The following CLIP4 variants were observed in gnomAD, a reference collection of about 807,000 sequenced individuals.
CLIP4 encodes CAP-Gly domain containing linker protein family member 4, also known as CAP-Gly domain-containing linker protein 4.
A neutral mutation model predicts 73.1 loss-of-function variants in CLIP4; 47 were observed. The observed-to-expected ratio is 0.64, with a 90% CI of 0.51 to 0.82. The LOEUF (loss-of-function observed/expected upper bound fraction) is 0.82, where lower values mean the gene tolerates loss of function less well. Among genes scored for constraint, CLIP4 ranks in the 40% least tolerant of loss-of-function variants. The pLI is 0.00. For missense variants in CLIP4, 874 were observed against 852.9 expected (o/e 1.02, Z -0.31); for synonymous variants, 306 against 295.4 (o/e 1.04, Z -0.37).
intron 6 of CLIP4, among the ~76,000 whole-genome samples, chr2:29,137,346 C>G (rs1208792437): frequency 1.3e-5 from 2 of 152,130 alleles, no homozygotes; most frequent in Non-Finnish European, 2.9e-5. Context: ...CATGTTGTTG[C>G]AAAGGGCACG....
At position 29,183,518 on chromosome 2, in the gene CLIP4, C is replaced by T. The variant is rs532587230; in HGVS notation, c.*1625C>T. The T allele has an allele frequency of 6.6e-6, 1 of 152,466 alleles. No individual in the cohort carries two copies. The highest frequency in any genetic ancestry group is 1.5e-5 in the Non-Finnish European group (1 of 67,994). 9.4% of individuals were successfully genotyped at this position (152,466 alleles called of 1,614,324 possible). A position where few individuals can be genotyped will look rare whatever the true frequency, so the allele number is the denominator to read the frequency against. On this transcript the variant is annotated 3_prime_UTR_variant, in exon 16 of 16. Transcript: ENST00000320081. Reference sequence around the variant, plus strand: ...TATTTCTTAAAAACTCTATTTATACCTTAACATGAAATCCATGACCACACC... The same window carrying T: ...TATTTCTTAAAAACTCTATTTATACTTTAACATGAAATCCATGACCACACC...
At chr2:29,139,408 G>A (rs1052682700) in intron 6 of CLIP4, among the ~76,000 whole-genome samples, 16 of 152,138 alleles carry the variant, frequency 1.1e-4, no homozygotes, top group African/African-American at 3.9e-4. Context: ...GGTTTTCTGT[G>A]TCTGTGTTTA....
intron 15 of CLIP4, among the ~76,000 whole-genome samples, chr2:29,177,479 G>A (rs1668412327): frequency 6.6e-6 from 1 of 151,856 alleles, no homozygotes; most frequent in Non-Finnish European, 1.5e-5. Flanking sequence ...TACTTGCGAT[G>A]CTGAGGCAGG....
chr2:29,140,551 T>G (rs888585487), intron 6 of CLIP4, among the ~76,000 whole-genome samples: 11 of 152,226 alleles, frequency 7.2e-5, no homozygotes, highest in Non-Finnish European at 1.3e-4. Context: ...TGTGTGCATG[T>G]GTCTTTATAG....
intron 12 of CLIP4, 41 bp downstream of exon 12, chr2:29,160,508 G>C: frequency 6.2e-7 from 1 of 1,606,438 alleles, no homozygotes; most frequent in South Asian, 1.1e-5. Context: ...ATTCTTTAGA[G>C]TACAAAAGGT....
chr2:29,157,015 T>C (rs1265970659), intron 10 of CLIP4, among the ~76,000 whole-genome samples, 189 bp from the exon 11 acceptor site: 2 of 152,192 alleles, frequency 1.3e-5, no homozygotes, highest in African/African-American at 4.8e-5. Flanking sequence ...ATATTATTGC[T>C]TGTGTTATAA....
At chr2:29,127,880 A>T (rs1264590664) in intron 2 of CLIP4, among the ~76,000 whole-genome samples, 1 of 152,170 alleles carries the variant, frequency 6.6e-6, no homozygotes, top group Non-Finnish European at 1.5e-5. Context: ...TTTTAATGCA[A>T]TTGACAAGGA....
Position 29,121,489 on chromosome 2 carries a change from C to G in CLIP4, c.101C>G (p.Ser34Cys). 1 of 1,613,716 alleles carries G rather than the reference C, an allele frequency of 6.2e-7. No homozygotes were observed. The highest frequency in any genetic ancestry group is 1.3e-5 in the African/African-American group (1 of 75,030). ...FSASDTPVIF[S>C]ISAAPMPSDC... ...GCTTCTGATACCCCAGTTATCTTTT[C>G]CATTTCTGCAGCACCAATGCCTTCA... The change falls in exon 2 of 16, where the codon TCC (serine) becomes TGC (cysteine). Residue 34 changes from serine to cysteine, a missense_variant. Physicochemically the swap from Ser to Cys is moderately radical, Grantham distance 112. Transcript: ENST00000320081.
chr2:29,133,202 A>G (rs919634396), intron 4 of CLIP4, among the ~76,000 whole-genome samples: 2 of 152,200 alleles, frequency 1.3e-5, no homozygotes, highest in African/African-American at 2.4e-5. Flanking sequence ...AGAGGAAAGA[A>G]TAAAAGGCAT....
chr2:29,151,939 A>AC (rs202067288), intron 8 of CLIP4, among the ~76,000 whole-genome samples: 1,583 of 151,708 alleles, frequency 0.01, 30 homozygotes, highest in African/African-American at 0.036. Context: ...CAGATAGGCA[A>AC]CCCCCCTGCC....
intron 12 of CLIP4, 99 bp from the exon 13 acceptor site, chr2:29,163,732 T>C: frequency 8.3e-7 from 1 of 1,201,556 alleles, no homozygotes; most frequent in Non-Finnish European, 1.1e-6. Flanking sequence ...TTTGGTCATT[T>C]ATGGAAATGT....
chr2:29,112,444 C>T (rs1319318330), upstream of CLIP4, among the ~76,000 whole-genome samples: 1 of 152,104 alleles, frequency 6.6e-6, no homozygotes, highest in Non-Finnish European at 1.5e-5. Flanking sequence ...AAAGTTTTTG[C>T]AAGTTGTTGG....
chr2:29,148,065 G>A (rs1364494529), intron 8 of CLIP4, among the ~76,000 whole-genome samples: 11 of 152,230 alleles, frequency 7.2e-5, no homozygotes, highest in African/African-American at 2.2e-4. Context: ...AAGGGGAGGC[G>A]TGCTTGATTG....
intron 2 of CLIP4, among the ~76,000 whole-genome samples, chr2:29,128,272 G>T (rs138146074): frequency 0.013 from 1,952 of 148,478 alleles, 32 homozygotes; most frequent in African/African-American, 0.035. Flanking sequence ...GGTCAGAAAA[G>T]ACTTCATTCA....
At chr2:29,158,488 C>G (rs1242869477) in intron 11 of CLIP4, among the ~76,000 whole-genome samples, 3 of 151,664 alleles carry the variant, frequency 2.0e-5, no homozygotes, top group Non-Finnish European at 1.5e-5. Flanking sequence ...AGAGAGTTAT[C>G]AGAGTGAGAA....
intron 15 of CLIP4, among the ~76,000 whole-genome samples, chr2:29,178,263 T>C (rs1156353623): frequency 6.6e-6 from 1 of 151,914 alleles, no homozygotes; most frequent in Non-Finnish European, 1.5e-5. Flanking sequence ...CACTGCAACC[T>C]CTGCCTCCTG....
intron 1 of CLIP4, 64 bp from the exon 2 acceptor site, chr2:29,121,310 A>G: frequency 7.0e-7 from 1 of 1,420,136 alleles, no homozygotes; most frequent in Non-Finnish European, 9.5e-7. Flanking sequence ...CAGTTATTGA[A>G]GGCAGTCATT....
At chr2:29,157,383 T>C (rs1446795092) in intron 11 of CLIP4, 36 bp downstream of exon 11, 5 of 1,613,458 alleles carry the variant, frequency 3.1e-6, no homozygotes, top group Middle Eastern at 1.7e-4. Flanking sequence ...TTTCTTGGTG[T>C]TTTTTATCTT....
intron 9 of CLIP4, among the ~76,000 whole-genome samples, chr2:29,155,255 C>G (rs1666842605): frequency 6.6e-6 from 1 of 152,104 alleles, no homozygotes; most frequent in South Asian, 2.1e-4. Context: ...TATGATTGTG[C>G]CACTGCACTA....
Sources: allele counts gnomAD v4.1 joint callset (sites outside exome capture counted in the v4.1 genomes callset), GRCh38; gene constraint gnomAD v4.1.1; transcripts MANE v1.5; gene names NCBI Gene and HGNC (gene_info 2026-07-23, HGNC 2026-07-21).